The following TNRC6A variants were observed in gnomAD, a reference collection of about 807,000 sequenced individuals.
The protein encoded by TNRC6A is trinucleotide repeat-containing gene 6A protein.
Under a neutral mutation model 221.2 loss-of-function variants are expected in TNRC6A, and 44 were observed. The observed-to-expected ratio is 0.20, with a 90% CI of 0.16 to 0.26. The LOEUF is 0.26. Ranked by LOEUF, TNRC6A falls within the 10% of genes least tolerant of loss-of-function variation. TNRC6A has a pLI of 1.00. For missense variants in TNRC6A, 2,199 were observed against 2,404.4 expected, an observed-to-expected ratio of 0.91 and a Z score of 1.79; for synonymous variants, 847 against 838.5, an observed-to-expected ratio of 1.01 and a Z score of -0.18.
intron 19 of TNRC6A, chr16:24,815,944 TA>T (rs1199237489): frequency 1.3e-5 from 2 of 153,756 alleles, no homozygotes; most frequent in Non-Finnish European, 2.9e-5. Flanking sequence ...GAAGTGCTTC[TA>T]TGGCCTGCTT....
At chr16:24,708,497 T>C (rs1020503130) in intron 2 of TNRC6A, among the ~76,000 whole-genome samples, 12 of 152,088 alleles carry the variant, frequency 7.9e-5, no homozygotes, top group South Asian at 6.2e-4. Context: ...AGTCTCGGCC[T>C]CTCAAAGTGC....
At chr16:24,801,635 C>T (rs1197679440) in intron 11 of TNRC6A, among the ~76,000 whole-genome samples, 1 of 150,416 alleles carries the variant, frequency 6.6e-6, no homozygotes, top group Non-Finnish European at 1.5e-5. Context: ...AAGCGATTCT[C>T]CTGCCTCCAC....
chr16:24,731,859 G>C (rs1411697775), intron 2 of TNRC6A, among the ~76,000 whole-genome samples: 1 of 152,222 alleles, frequency 6.6e-6, no homozygotes, highest in Non-Finnish European at 1.5e-5. Flanking sequence ...AAGTCACTTA[G>C]CCTCTCTGTC....
chr16:24,676,635 G>A (rs1317295412), intron 2 of TNRC6A, among the ~76,000 whole-genome samples: 3 of 151,906 alleles, frequency 2.0e-5, no homozygotes, highest in Non-Finnish European at 2.9e-5. Flanking sequence ...TTTATTTTTT[G>A]TAGAGACAAG....
In TNRC6A at chr16:24,818,720, A is replaced by C; in HGVS notation, c.5080+20A>C. On this transcript the variant is annotated intron_variant, in intron 21 of 24. Coordinates refer to ENST00000395799, the MANE Select transcript of TNRC6A (RefSeq NM_014494.4). ...CTTCAGGTGGGCCTCGCCTTCGCTC[A>C]GGAAGGGAGGGTTGGTCACAGCCAG... The C allele has an allele frequency of 6.3e-7, 1 of 1,589,274 alleles. No homozygotes were observed. The highest frequency in any genetic ancestry group is 8.6e-7 in the Non-Finnish European group (1 of 1,157,360).
At chr16:24,672,707 G>A (rs1053267960) in intron 2 of TNRC6A, among the ~76,000 whole-genome samples, 2 of 152,048 alleles carry the variant, frequency 1.3e-5, no homozygotes, top group Non-Finnish European at 2.9e-5. Context: ...ACCTCCCAAA[G>A]TGCTAGGATT....
At chr16:24,622,587 G>T (rs967981161) in intron 1 of TNRC6A, among the ~76,000 whole-genome samples, 21 of 152,206 alleles carry the variant, frequency 1.4e-4, no homozygotes, top group African/African-American at 4.8e-4. Context: ...GAGAGAGACT[G>T]CATCTCAAAG....
intron 2 of TNRC6A, among the ~76,000 whole-genome samples, chr16:24,748,210 AG>A (rs1420640172): frequency 6.6e-6 from 1 of 152,232 alleles, no homozygotes; most frequent in Non-Finnish European, 1.5e-5. Flanking sequence ...TTTTTCATGA[AG>A]AAACAGAGGC....
intron 22 of TNRC6A, 73 bp from the exon 23 acceptor site, chr16:24,822,004 T>G: frequency 7.1e-7 from 1 of 1,411,162 alleles, no homozygotes; most frequent in Non-Finnish European, 1.0e-6. Context: ...AGAGGCCAGG[T>G]GATCTGCTAA....
At chr16:24,657,793 T>A (rs1443221380) in intron 2 of TNRC6A, among the ~76,000 whole-genome samples, 1 of 151,882 alleles carries the variant, frequency 6.6e-6, no homozygotes, top group Non-Finnish European at 1.5e-5. Flanking sequence ...GAATATTTTG[T>A]CAATTCTATG....
In TNRC6A at chr16:24,783,204, C is replaced by G. The variant is rs147335446; in HGVS notation, c.589+5846C>G. ...AGTGCAGTGGTGCGATCTCTGCTCA[C>G]TGCAACCTCCGCCTCCTGGGTTCAA... On this transcript the variant is annotated intron_variant, in intron 5 of 24. Coordinates refer to ENST00000395799, the MANE Select transcript of TNRC6A (RefSeq NM_014494.4). Among the ~76,000 whole-genome samples, 428 of 152,174 alleles carry G rather than the reference C, an allele frequency of 2.8e-3. 1 individual carries two copies. Among genetic ancestry groups the G allele is most frequent in the African/African-American group, 9.9e-3 (412 of 41,520 alleles).
chr16:24,776,751 T>C (rs569523295), intron 4 of TNRC6A, 182 bp from the exon 5 acceptor site: 34 of 985,386 alleles, frequency 3.5e-5, no homozygotes, highest in African/African-American at 2.6e-4. Flanking sequence ...AAGTGAAATA[T>C]GACTCTTGGC....
At chr16:24,649,390 C>T (rs547284331) in intron 2 of TNRC6A, among the ~76,000 whole-genome samples, 2 of 152,160 alleles carry the variant, frequency 1.3e-5, no homozygotes, top group Admixed American at 1.3e-4. Context: ...CTCACTGAAA[C>T]CTCGAACTCC....
intron 1 of TNRC6A, among the ~76,000 whole-genome samples, chr16:24,624,319 T>C (rs1314609589): frequency 6.6e-6 from 1 of 151,966 alleles, no homozygotes; most frequent in Non-Finnish European, 1.5e-5. Flanking sequence ...AGAGCAAAAG[T>C]GGGAGGTGCT....
At chr16:24,720,247 T>C (rs1236986713) in intron 2 of TNRC6A, among the ~76,000 whole-genome samples, 1 of 151,990 alleles carries the variant, frequency 6.6e-6, no homozygotes, top group Non-Finnish European at 1.5e-5. Context: ...ATAATAATAA[T>C]AAACATTAGC....
Position 24,825,603 on chromosome 16 carries a change from A to G in TNRC6A, c.*1796A>G, listed in dbSNP as rs551653455. 2 of 152,766 alleles carry G rather than the reference A, an allele frequency of 1.3e-5. No homozygotes were observed. The highest frequency in any genetic ancestry group is 4.8e-5 in the African/African-American group (2 of 41,578). The allele number at this position is 152,766 out of a possible 1,614,324, so 9.5% of individuals were successfully genotyped here. On this transcript the variant is annotated 3_prime_UTR_variant, in exon 25 of 25. Transcript: ENST00000395799. ...GAACATTTTATCTGAACTCATCACA[A>G]TTTCACCCTGAAATAATGTGAGAAC...
rs570667979 is a variant in TNRC6A at position 24,718,578 on chromosome 16, A to C, written n.403-32148A>C. Among the ~76,000 whole-genome samples the C allele has an allele frequency of 2.0e-5, 3 of 152,334 alleles. No homozygotes were observed. The East Asian group carries it at 5.8e-4, about 29-fold the overall frequency. ...ATATAGGGATTGTCAGAAATATGCC[A>C]GGTTAGGTAGCAAGAGTTCTTGAAG... On this transcript the variant is annotated intron_variant and non_coding_transcript_variant, in intron 2 of 2. Coordinates refer to the TNRC6A transcript ENST00000566108.
At chr16:24,626,642 A>G (rs1224460655) in intron 1 of TNRC6A, among the ~76,000 whole-genome samples, 2 of 148,020 alleles carry the variant, frequency 1.4e-5, no homozygotes, top group African/African-American at 4.9e-5. Context: ...TTTTTTAGAT[A>G]CTATTTCTTT....
At chr16:24,816,587 T>TA in intron 19 of TNRC6A, 1 of 504,838 alleles carries the variant, frequency 2.0e-6, no homozygotes, top group East Asian at 3.4e-5. Flanking sequence ...TGGGTATGTA[T>TA]ATTCACATTC....
Sources: gnomAD v4.1 joint callset for allele counts (sites outside exome capture counted in the v4.1 genomes callset) on GRCh38, gnomAD v4.1.1 for gene constraint, MANE v1.5 for transcripts, NCBI Gene and HGNC (gene_info 2026-07-23, HGNC 2026-07-21) for gene names.